Variants in APBA2 observed in about 807,000 individuals in gnomAD.
The protein encoded by APBA2 is amyloid beta precursor protein binding family A member 2, also known as amyloid-beta A4 precursor protein-binding family A member 2.
APBA2 carries 30 observed loss-of-function variants against 75.0 expected under a neutral mutation model. The observed-to-expected ratio is 0.40, with a 90% CI of 0.30 to 0.54. The LOEUF (loss-of-function observed/expected upper bound fraction) is 0.54, where lower values mean the gene tolerates loss of function less well. Ranked by LOEUF, APBA2 falls within the 20% of genes least tolerant of loss-of-function variation. The pLI is 0.49. For missense variants in APBA2, 801 were observed against 1,016.1 expected (o/e 0.79, Z 2.88); for synonymous variants, 444 against 409.6 (o/e 1.08, Z -1.01).
intron 7 of APBA2, 129 bp from the exon 8 acceptor site, chr15:29,094,149 C>A: frequency 1.1e-6 from 1 of 950,844 alleles, no homozygotes; most frequent in Non-Finnish European, 1.7e-6. Flanking sequence ...GGCTGTCCAC[C>A]CGTCCCTGCT....
intron 2 of APBA2, among the ~76,000 whole-genome samples, chr15:28,938,941 T>A (rs2152701129): frequency 6.6e-6 from 1 of 152,336 alleles, no homozygotes; most frequent in African/African-American, 2.4e-5. Context: ...TTTGCAGTCA[T>A]CACCATCAGC....
At chr15:29,010,384 A>G (rs2039340527) in intron 3 of APBA2, among the ~76,000 whole-genome samples, 1 of 151,984 alleles carries the variant, frequency 6.6e-6, no homozygotes, top group South Asian at 2.1e-4. Context: ...TCAGCCTCCC[A>G]AGTAGGTAGG....
chr15:29,107,780 G>A (rs371802526), intron 12 of APBA2, among the ~76,000 whole-genome samples: 18 of 152,196 alleles, frequency 1.2e-4, no homozygotes, highest in African/African-American at 3.9e-4. Flanking sequence ...TGACAATTGC[G>A]TCCTCACTCA....
At chr15:29,057,350 CT>C (rs2041944936) in intron 4 of APBA2, among the ~76,000 whole-genome samples, 2 of 152,208 alleles carry the variant, frequency 1.3e-5, no homozygotes, top group Non-Finnish European at 2.9e-5. Flanking sequence ...CAACCCTCCC[CT>C]CTCTTCTACT....
intron 8 of APBA2, among the ~76,000 whole-genome samples, chr15:29,095,596 T>G (rs1035088709): frequency 6.6e-6 from 1 of 152,228 alleles, no homozygotes; most frequent in African/African-American, 2.4e-5. Flanking sequence ...TATTGCCCAC[T>G]GTTTTCTTCT....
intron 2 of APBA2, among the ~76,000 whole-genome samples, chr15:28,975,659 AAAC>A (rs768512266): frequency 6.6e-5 from 10 of 152,256 alleles, no homozygotes; most frequent in Non-Finnish European, 1.0e-4. Context: ...GAAAAAAACA[AAAC>A]AAAACTGCTT....
intron 2 of APBA2, among the ~76,000 whole-genome samples, chr15:28,933,615 A>G (rs1212134293): frequency 6.6e-6 from 1 of 152,260 alleles, no homozygotes; most frequent in African/African-American, 2.4e-5. Flanking sequence ...TGGCAAGCCC[A>G]CACTGGCTCG....
intron 3 of APBA2, among the ~76,000 whole-genome samples, chr15:29,036,222 T>TAC (rs765795978): frequency 2.0e-5 from 3 of 150,570 alleles, no homozygotes; most frequent in African/African-American, 7.3e-5. Flanking sequence ...CCTGAATACA[T>TAC]ATATATATAT....
At chr15:29,028,152 C>G (rs2040318941) in intron 3 of APBA2, among the ~76,000 whole-genome samples, 1 of 152,010 alleles carries the variant, frequency 6.6e-6, no homozygotes, top group African/African-American at 2.4e-5. Context: ...TTCTCCCTCC[C>G]CCGATCCCAC....
At chr15:28,909,416 T>C (rs988565370) in intron 1 of APBA2, among the ~76,000 whole-genome samples, 1 of 152,224 alleles carries the variant, frequency 6.6e-6, no homozygotes, top group African/African-American at 2.4e-5. Flanking sequence ...TCAAGGCCCA[T>C]CTGTGTTGTA....
In APBA2 at chr15:28,902,695, T is replaced by C. The variant is rs538057063; in HGVS notation, c.-205+16417T>C. Among the ~76,000 whole-genome samples, 31 of 152,336 alleles carry C rather than the reference T, an allele frequency of 2.0e-4. No homozygotes were observed. In the East Asian group the frequency reaches 3.1e-3, roughly 15 times the overall value. The stretch of plus-strand genomic sequence containing the variant: ...GGGTATATGAGAACTCTGTGGAGTC[T>C]GCTCAGTTTTTCTGTAAGTCTAGAA... On this transcript the variant is annotated intron_variant, in intron 1 of 14. Transcript: ENST00000683413.
chr15:29,000,704 C>G (rs1033212188), intron 3 of APBA2, among the ~76,000 whole-genome samples: 1 of 152,158 alleles, frequency 6.6e-6, no homozygotes, highest in South Asian at 2.1e-4. Context: ...AACCCTCCCT[C>G]CTTGGCCTCC....
At chr15:28,999,777 T>G (rs1351684955) in intron 3 of APBA2, among the ~76,000 whole-genome samples, 1 of 152,204 alleles carries the variant, frequency 6.6e-6, no homozygotes, top group African/African-American at 2.4e-5. Context: ...ATCGATTGAT[T>G]GGTCAATTGA....
chr15:29,046,338 T>C lies in APBA2; in HGVS notation c.-40-7507T>C, dbSNP rs2041330386. Among the ~76,000 whole-genome samples, 1 of 152,170 alleles carries C rather than the reference T, an allele frequency of 6.6e-6. No individual in the cohort carries two copies. ...ACCTCCCCTTGGCCACACCCCACTTTTGTGTCTTGGGAATTATCTGCTGTG... is the reference window on the plus strand; with the variant it reads ...ACCTCCCCTTGGCCACACCCCACTTCTGTGTCTTGGGAATTATCTGCTGTG... On this transcript the variant is annotated intron_variant, in intron 3 of 14. Transcript: ENST00000683413. This position sits in a 1 kb window ranked among gnomAD's most constrained non-coding sequence, Gnocchi z 5.0.
At chr15:28,897,182 G>GAC (rs368122549) in intron 1 of APBA2, among the ~76,000 whole-genome samples, 26,736 of 147,992 alleles carry the variant, frequency 0.18, 2,424 homozygotes, top group East Asian at 0.34. Flanking sequence ...CAAAAGACAC[G>GAC]ACACACACAC....
intron 2 of APBA2, among the ~76,000 whole-genome samples, chr15:28,995,142 C>T (rs374300219): frequency 5.3e-5 from 8 of 152,282 alleles, no homozygotes; most frequent in East Asian, 1.9e-4. Flanking sequence ...TTGAAACCCC[C>T]GAGCCTGCTG....
At chr15:29,000,770 G>T (rs11852567) in intron 3 of APBA2, among the ~76,000 whole-genome samples, 55,085 of 151,950 alleles carry the variant, frequency 0.36, 17,495 homozygotes, top group African/African-American at 0.83. Flanking sequence ...TTTATGTATT[G>T]TTTTTATAGA....
intron 3 of APBA2, among the ~76,000 whole-genome samples, chr15:29,041,744 A>G (rs1325927617): frequency 6.6e-6 from 1 of 152,198 alleles, no homozygotes; most frequent in East Asian, 1.9e-4. Context: ...CAGGATTTAA[A>G]AAACTAGATA....
At chr15:29,111,892 G>A (rs927266230) in intron 13 of APBA2, among the ~76,000 whole-genome samples, 1 of 152,174 alleles carries the variant, frequency 6.6e-6, no homozygotes, top group Non-Finnish European at 1.5e-5. Context: ...CGAGGGTGCT[G>A]GCTACTCTGG....
Sources: allele counts gnomAD v4.1 joint callset (sites outside exome capture counted in the v4.1 genomes callset), GRCh38; gene constraint gnomAD v4.1.1; non-coding constraint Gnocchi (gnomAD v3.1); transcripts MANE v1.5; gene names NCBI Gene and HGNC (gene_info 2026-07-23, HGNC 2026-07-21).